The following PDCD6IP variants were observed in gnomAD, a reference collection of about 807,000 sequenced individuals.
PDCD6IP encodes programmed cell death 6 interacting protein.
A neutral mutation model predicts 103.7 loss-of-function variants in PDCD6IP; 43 were observed. That is an observed-to-expected ratio of 0.41 (90% CI 0.32 to 0.53). The LOEUF (loss-of-function observed/expected upper bound fraction) is 0.53. Ranked by LOEUF, PDCD6IP falls within the 20% of genes least tolerant of loss-of-function variation. The probability of loss-of-function intolerance (pLI) is 0.16; values close to 1 mark genes in which losing one functional copy is unlikely to be tolerated. For missense variants in PDCD6IP, 871 were observed against 1,036.7 expected (o/e 0.84, Z 2.20); for synonymous variants, 354 against 378.7 (o/e 0.93, Z 0.76).
At chr3:33,824,724 C>A (rs892935325) in intron 4 of PDCD6IP, among the ~76,000 whole-genome samples, 2 of 152,224 alleles carry the variant, frequency 1.3e-5, no homozygotes, top group African/African-American at 4.8e-5. Context: ...AAATCACTGG[C>A]AATGGGTAGT....
At chr3:33,818,796 C>T (rs1019472809) in intron 3 of PDCD6IP, among the ~76,000 whole-genome samples, 3 of 151,894 alleles carry the variant, frequency 2.0e-5, no homozygotes, top group Admixed American at 6.6e-5. Context: ...AGATTACAGG[C>T]GTGAGCCACT....
chr3:33,846,177 T>C (rs1697587844), intron 12 of PDCD6IP, among the ~76,000 whole-genome samples: 1 of 152,166 alleles, frequency 6.6e-6, no homozygotes. Flanking sequence ...TAGGAAAAGA[T>C]AGAGGTCCCA....
intron 1 of PDCD6IP, among the ~76,000 whole-genome samples, chr3:33,808,333 G>A (rs1223921305): frequency 1.3e-5 from 2 of 152,174 alleles, no homozygotes; most frequent in Non-Finnish European, 2.9e-5. Context: ...GAGTACAGTG[G>A]TGGGATCACA....
chr3:33,857,440 C>T (rs1302604451), intron 15 of PDCD6IP, among the ~76,000 whole-genome samples: 7 of 152,000 alleles, frequency 4.6e-5, no homozygotes, highest in Admixed American at 4.6e-4. Context: ...TAGGGGTGAG[C>T]CACCCCCCCA....
At chr3:33,845,193 TG>T (rs1430930125) in intron 11 of PDCD6IP, among the ~76,000 whole-genome samples, 1 of 152,180 alleles carries the variant, frequency 6.6e-6, no homozygotes, top group Non-Finnish European at 1.5e-5. Context: ...AACCACCAAA[TG>T]TATTTTAAGG....
chr3:33,857,985 G>A (rs958363303), intron 15 of PDCD6IP, among the ~76,000 whole-genome samples: 7 of 151,992 alleles, frequency 4.6e-5, no homozygotes, highest in Non-Finnish European at 1.0e-4. Context: ...TGGAAAGGAA[G>A]AAGTAAAACT....
chr3:33,848,103 C>T (rs111801864), intron 12 of PDCD6IP, among the ~76,000 whole-genome samples: 6,513 of 152,258 alleles, frequency 0.043, 194 homozygotes, highest in Middle Eastern at 0.075. Context: ...GCAAACACAG[C>T]TTTTACTCCT....
At chr3:33,849,951 A>T (rs979807266) in intron 12 of PDCD6IP, among the ~76,000 whole-genome samples, 1 of 152,106 alleles carries the variant, frequency 6.6e-6, no homozygotes, top group African/African-American at 2.4e-5. Context: ...AGAAAGTTAG[A>T]ATTATTGCAT....
rs187993704 is a variant in PDCD6IP, at chr3:33,851,661, T to C, written c.1642-827T>C. Among the ~76,000 whole-genome samples, 14 of 151,710 alleles carry C rather than the reference T, an allele frequency of 9.2e-5. No individual in the cohort carries two copies. In the East Asian group the frequency reaches 2.7e-3, roughly 30 times the overall value. ...TAATTTTTTTTTTTCAATGTAGAAATGGGGTCTCACTTTGTTGCCTAGGCT... is the reference window on the plus strand; with the variant it reads ...TAATTTTTTTTTTTCAATGTAGAAACGGGGTCTCACTTTGTTGCCTAGGCT... On this transcript the variant is annotated intron_variant, in intron 12 of 17. Transcript: ENST00000307296.
intron 1 of PDCD6IP, among the ~76,000 whole-genome samples, chr3:33,810,302 A>G (rs1395260836): frequency 1.3e-5 from 2 of 151,890 alleles, no homozygotes; most frequent in Non-Finnish European, 1.5e-5. Context: ...TTTTACTGTT[A>G]TTTTATTTAG....
intron 15 of PDCD6IP, among the ~76,000 whole-genome samples, chr3:33,861,148 T>A (rs1021938400): frequency 1.4e-5 from 1 of 73,252 alleles, no homozygotes; most frequent in African/African-American, 5.1e-5. Context: ...CTAATCTGTA[T>A]TTTTTTTTTT....
intron 3 of PDCD6IP, among the ~76,000 whole-genome samples, chr3:33,818,097 G>GTTTTTT (rs756780125): frequency 3.8e-4 from 26 of 68,082 alleles, no homozygotes; most frequent in African/African-American, 8.3e-4. Flanking sequence ...TTTCATTCTT[G>GTTTTTT]TTTTTTTTTT....
intron 12 of PDCD6IP, among the ~76,000 whole-genome samples, chr3:33,850,949 C>G (rs938295082): frequency 7.2e-5 from 11 of 151,876 alleles, no homozygotes; most frequent in African/African-American, 2.7e-4. Flanking sequence ...TCTTCTGTTC[C>G]TTTCCTTTCC....
At chr3:33,834,609 T>A (rs1437350239) in intron 7 of PDCD6IP, among the ~76,000 whole-genome samples, 2 of 152,326 alleles carry the variant, frequency 1.3e-5, no homozygotes, top group African/African-American at 4.8e-5. Context: ...TTTTAAAAAA[T>A]CAAGAATATT....
In PDCD6IP at chr3:33,856,217, C is replaced by T. The variant is rs1408669328; in HGVS notation, c.2120+957C>T. Among the ~76,000 whole-genome samples the T allele has an allele frequency of 4.6e-5, 7 of 152,164 alleles. No homozygotes were observed. In the South Asian group the frequency reaches 6.2e-4, roughly 13 times the overall value. ...GTGGAAAAATTGTCTTCCATGAGAC[C>T]GGTCCCTGGTGCCAAAAAGGTTGGG... On this transcript the variant is annotated intron_variant, in intron 15 of 17. Transcript: ENST00000307296.
Position 33,826,463 on chromosome 3 carries a change from G to A in PDCD6IP, c.617-17G>A. On this transcript the variant is annotated splice_polypyrimidine_tract_variant and intron_variant, in intron 5 of 17. Transcript: ENST00000307296. ...GCTCATATTTATTTTAATTATAATGGTCATATTGTATTCCAGATAAAATGA... is the reference window on the plus strand; with the variant it reads ...GCTCATATTTATTTTAATTATAATGATCATATTGTATTCCAGATAAAATGA... The A allele has an allele frequency of 6.4e-7, 1 of 1,557,496 alleles. No homozygotes were observed. Among genetic ancestry groups the A allele is most frequent in the Non-Finnish European group, 8.8e-7 (1 of 1,135,156 alleles).
In PDCD6IP at chr3:33,869,213, T is replaced by C. The variant is rs1330747851; in HGVS notation, c.*2688T>C. ...ACATTTTCTAATTTCAGAAACAGGA[T>C]AATTTGTTAAGTGGGTTTCAGTTTG... On this transcript the variant is annotated 3_prime_UTR_variant, in exon 18 of 18. Coordinates refer to ENST00000307296, the MANE Select transcript of PDCD6IP (RefSeq NM_013374.6). 6.6e-6 allele frequency: 1 copy of C among 151,574 alleles called. No homozygotes were observed. Among genetic ancestry groups the C allele is most frequent in the Non-Finnish European group, 1.5e-5 (1 of 67,882 alleles). 9.4% of individuals were successfully genotyped at this position (151,574 alleles called of 1,614,324 possible). A position where few individuals can be genotyped will look rare whatever the true frequency, so the allele number is the denominator to read the frequency against.
intron 1 of PDCD6IP, chr3:33,799,177 C>T (rs1383303249): frequency 1.8e-6 from 1 of 562,568 alleles, no homozygotes; most frequent in African/African-American, 1.9e-5. Flanking sequence ...GGCGAGGGCT[C>T]CGTGGATCAG....
chr3:33,854,069 G>C (rs1284262217), intron 14 of PDCD6IP, 56 bp downstream of exon 14: 5 of 1,493,140 alleles, frequency 3.3e-6, no homozygotes, highest in Non-Finnish European at 2.7e-6. Context: ...TGAACGCATA[G>C]TTTGGAAGTT....
Sources: gnomAD v4.1 joint callset for allele counts (sites outside exome capture counted in the v4.1 genomes callset) on GRCh38, gnomAD v4.1.1 for gene constraint, MANE v1.5 for transcripts, NCBI Gene and HGNC (gene_info 2026-07-23, HGNC 2026-07-21) for gene names.